PTGR1: variants seen among roughly 807,000 people sequenced by gnomAD.
PTGR1 encodes 15-oxoprostaglandin 13-reductase.
Under a neutral mutation model 37.7 loss-of-function variants are expected in PTGR1, and 23 were observed. The ratio of observed to expected loss-of-function variants is 0.61; its 90% CI spans 0.44 to 0.86. PTGR1 has a LOEUF of 0.86. Among genes scored for constraint, PTGR1 ranks in the 40% least tolerant of loss-of-function variants. The probability of loss-of-function intolerance (pLI) is 0.00; values close to 1 mark genes in which losing one functional copy is unlikely to be tolerated. For synonymous variants in PTGR1, 134 were observed against 140.0 expected, an observed-to-expected ratio of 0.96 and a Z score of 0.30; for missense variants, 351 against 394.3, an observed-to-expected ratio of 0.89 and a Z score of 0.93.
intron 3 of PTGR1, 98 bp downstream of exon 3, chr9:111,594,124 G>C (rs774517156): frequency 1.2e-5 from 15 of 1,236,534 alleles, no homozygotes; most frequent in Non-Finnish European, 1.8e-5. Context: ...GAAGGAAAGT[G>C]ACAATGTTTT....
At chr9:111,551,407 T>TG (rs1827944202) in intron 9 of PTGR1, among the ~76,000 whole-genome samples, 2 of 136,680 alleles carry the variant, frequency 1.5e-5, no homozygotes, top group South Asian at 2.5e-4. Flanking sequence ...TTTGTTTTTT[T>TG]TTTTTTTTTT....
chr9:111,588,653 A>G (rs1319420063), intron 4 of PTGR1, among the ~76,000 whole-genome samples: 1 of 151,884 alleles, frequency 6.6e-6, no homozygotes, highest in Non-Finnish European at 1.5e-5. Flanking sequence ...GGCCCCCTGA[A>G]TAGCTAGGAT....
At chr9:111,560,219 G>A (rs10980943), downstream of PTGR1, among the ~76,000 whole-genome samples, 10,479 of 151,948 alleles carry the variant, frequency 0.069, 572 homozygotes, top group East Asian at 0.26. Flanking sequence ...GGTGGCTCAC[G>A]CCTGTAATCC....
chr9:111,551,408 T>G lies in PTGR1; in HGVS notation c.880-1609A>C, dbSNP rs56777491. Among the ~76,000 whole-genome samples the G allele has an allele frequency of 2.3e-3, 305 of 134,200 alleles. 2 individuals are homozygous for G. Among genetic ancestry groups the G allele is most frequent in the South Asian group, 0.011 (45 of 3,972 alleles). The allele number at this position is 134,200 out of a possible 152,430, so 88.0% of individuals were successfully genotyped here. On this transcript the variant is annotated intron_variant, in intron 9 of 9. Coordinates refer to the PTGR1 transcript ENST00000538962. ...TCAAGTATCCAGTTTTTGTTTTTTT[T>G]TTTTTTTTTTTTTTTTTGAGATGGA...
intron 9 of PTGR1, among the ~76,000 whole-genome samples, chr9:111,568,097 G>T (rs535194331): frequency 5.9e-5 from 9 of 152,106 alleles, no homozygotes; most frequent in African/African-American, 9.7e-5. Flanking sequence ...GAATAACAGC[G>T]ATTTTCAGGG....
intron 9 of PTGR1, among the ~76,000 whole-genome samples, chr9:111,555,422 G>A (rs1828093183): frequency 6.6e-6 from 1 of 152,056 alleles, no homozygotes; most frequent in Admixed American, 6.6e-5. Flanking sequence ...CCCATCAGAA[G>A]GCCGTTGTGC....
intron 6 of PTGR1, 142 bp downstream of exon 6, chr9:111,583,330 T>C: frequency 1.4e-6 from 1 of 693,078 alleles, no homozygotes; most frequent in East Asian, 2.5e-5. Context: ...GTTTTCCCCA[T>C]TCCTCCAATT....
At chr9:111,573,999 G>A in intron 8 of PTGR1, among the ~76,000 whole-genome samples, 1 of 152,126 alleles carries the variant, frequency 6.6e-6, no homozygotes, top group East Asian at 1.9e-4. Flanking sequence ...AGGCCAAGAC[G>A]CCCTACTGCT....
At chr9:111,561,110 T>TATATAGAGAG (rs1457364862), downstream of PTGR1, among the ~76,000 whole-genome samples, 15 of 19,188 alleles carry the variant, frequency 7.8e-4, no homozygotes, top group African/African-American at 2.4e-3. Context: ...TATATATATA[T>TATATAGAGAG]AGAGAGAGAG....
In PTGR1 at chr9:111,597,378, G is replaced by A. The variant is rs145141457; in HGVS notation, c.45C>T (p.Gly15=). ...KTWTLKKHFV[G]YPTNSDFELK... ...ACTCAAAGTCACTATTAGTAGGATAGCCAACAAAGTGCTTCTTCAGGGTCC... is the reference window on the plus strand; with the variant it reads ...ACTCAAAGTCACTATTAGTAGGATAACCAACAAAGTGCTTCTTCAGGGTCC... Residue 15 remains glycine (G), a synonymous_variant, in exon 2 of 10, where the codon GGC becomes GGT. Coordinates refer to ENST00000407693, the MANE Select transcript of PTGR1 (RefSeq NM_001146108.2). 3.3e-4 allele frequency: 525 copies of A among 1,613,558 alleles called. No homozygotes were observed. The highest frequency in any genetic ancestry group is 9.0e-4 in the Admixed American group (54 of 59,970).
At chr9:111,558,029 C>T (rs1283349567), downstream of PTGR1, among the ~76,000 whole-genome samples, 1 of 152,118 alleles carries the variant, frequency 6.6e-6, no homozygotes, top group Admixed American at 6.5e-5. Context: ...CGCCTGTAGT[C>T]CCAGCTACTC....
At chr9:111,579,544 A>G (rs1262677095) in intron 6 of PTGR1, among the ~76,000 whole-genome samples, 2 of 151,960 alleles carry the variant, frequency 1.3e-5, no homozygotes, top group Non-Finnish European at 2.9e-5. Context: ...ACAGGTGCAT[A>G]CCACTACATC....
Position 111,592,210 on chromosome 9 carries a change from A to G in PTGR1, c.209+716T>C, listed in dbSNP as rs778078360. 2.6e-5 allele frequency: 4 copies of G among 152,162 alleles called. No individual in the cohort carries two copies. In the East Asian group the frequency reaches 7.7e-4, roughly 29 times the overall value. 9.4% of individuals were successfully genotyped at this position (152,162 alleles called of 1,614,324 possible). On this transcript the variant is annotated intron_variant, in intron 4 of 9. Coordinates refer to ENST00000407693, the MANE Select transcript of PTGR1 (RefSeq NM_001146108.2). ...TTGTCTAGCTTCACCTCCTGTTTCT[A>G]TGGATTGTTTGTAACCAGCTTTTGC... is the stretch of plus-strand genomic sequence containing the variant.
intron 6 of PTGR1, among the ~76,000 whole-genome samples, chr9:111,580,227 A>G (rs1829238100): frequency 6.6e-6 from 1 of 152,106 alleles, no homozygotes; most frequent in Admixed American, 6.6e-5. Context: ...CCAACAACCT[A>G]TAGATGTCCT....
At chr9:111,582,942 C>G (rs1340753124) in intron 6 of PTGR1, among the ~76,000 whole-genome samples, 1 of 152,240 alleles carries the variant, frequency 6.6e-6, no homozygotes, top group Non-Finnish European at 1.5e-5. Context: ...ACTCTATACA[C>G]CCACCATCAG....
intron 9 of PTGR1, among the ~76,000 whole-genome samples, chr9:111,552,278 T>C (rs542063065): frequency 6.6e-6 from 1 of 151,548 alleles, no homozygotes; most frequent in South Asian, 2.1e-4. Context: ...GATCATTAGA[T>C]ACATTGTCTT....
downstream of PTGR1, among the ~76,000 whole-genome samples, chr9:111,560,606 A>T (rs1263640931): frequency 2.9e-5 from 4 of 136,696 alleles, no homozygotes; most frequent in Non-Finnish European, 1.5e-5. Flanking sequence ...ATGCTACTGC[A>T]CGTCAGCCTG....
intron 8 of PTGR1, among the ~76,000 whole-genome samples, chr9:111,570,836 G>T (rs771412384): frequency 9.2e-5 from 14 of 152,090 alleles, no homozygotes; most frequent in Non-Finnish European, 2.1e-4. Flanking sequence ...CCACTATAAA[G>T]ATGGACCCAA....
At chr9:111,559,772 T>C (rs1216394135), downstream of PTGR1, among the ~76,000 whole-genome samples, 1 of 152,196 alleles carries the variant, frequency 6.6e-6, no homozygotes, top group Non-Finnish European at 1.5e-5. Context: ...GACAGTCACC[T>C]TGCTTGGCTC....
Sources: allele counts gnomAD v4.1 joint callset (sites outside exome capture counted in the v4.1 genomes callset), GRCh38; gene constraint gnomAD v4.1.1; transcripts MANE v1.5; gene names NCBI Gene and HGNC (gene_info 2026-07-23, HGNC 2026-07-21).